SOX5: variants seen among roughly 807,000 people sequenced by gnomAD.
The protein encoded by SOX5 is transcription factor SOX-5.
A neutral mutation model predicts 92.0 loss-of-function variants in SOX5; 9 were observed. The observed-to-expected ratio is 0.10, with a 90% confidence interval of 0.06 to 0.17. SOX5 has a LOEUF of 0.17. Ranked by LOEUF, SOX5 falls within the 10% of genes least tolerant of loss-of-function variation. The probability of loss-of-function intolerance (pLI) is 1.00; values close to 1 mark genes in which losing one functional copy is unlikely to be tolerated. For missense variants in SOX5, 642 were observed against 944.5 expected (o/e 0.68, Z 4.20); for synonymous variants, 344 against 336.3 (o/e 1.02, Z -0.25).
At chr12:23,951,650 A>ATG (rs1945656913), upstream of SOX5, among the ~76,000 whole-genome samples, 6 of 78,144 alleles carry the variant, frequency 7.7e-5, no homozygotes, top group East Asian at 1.7e-3. Flanking sequence ...AAAAATATAT[A>ATG]TATACACACA....
At chr12:23,746,368 A>G (rs2141082499) in intron 4 of SOX5, among the ~76,000 whole-genome samples, 1 of 152,240 alleles carries the variant, frequency 6.6e-6, no homozygotes, top group Non-Finnish European at 1.5e-5. Context: ...TAACTTATAT[A>G]TGTGTGTGTC....
chr12:23,655,191 A>C (rs1405003865), intron 7 of SOX5, among the ~76,000 whole-genome samples: 2 of 152,098 alleles, frequency 1.3e-5, no homozygotes, highest in African/African-American at 4.8e-5. Flanking sequence ...TATCAATAAA[A>C]CTTCTTGGAT....
intron 3 of SOX5, among the ~76,000 whole-genome samples, chr12:23,785,310 C>T (rs1213656427): frequency 1.3e-5 from 2 of 152,128 alleles, no homozygotes; most frequent in African/African-American, 4.8e-5. Flanking sequence ...AAACCTACTA[C>T]CTTAAATACC....
intron 3 of SOX5, among the ~76,000 whole-genome samples, chr12:23,812,865 G>C (rs2095902528): frequency 6.6e-6 from 1 of 152,140 alleles, no homozygotes; most frequent in African/African-American, 2.4e-5. Flanking sequence ...TATGAAGTAT[G>C]TCATATGTAA....
At chr12:24,174,656 T>C (rs1954603373) in intron 4 of SOX5, among the ~76,000 whole-genome samples, 1 of 152,082 alleles carries the variant, frequency 6.6e-6, no homozygotes, top group Admixed American at 6.5e-5. Context: ...ACCCCACCTG[T>C]ACTAAAAATA....
chr12:24,287,463 C>A (rs1946018938), intron 2 of SOX5, among the ~76,000 whole-genome samples: 1 of 152,130 alleles, frequency 6.6e-6, no homozygotes, highest in Admixed American at 6.6e-5. Context: ...CGCTGTCAGC[C>A]AAGCCCTTCC....
intron 1 of SOX5, among the ~76,000 whole-genome samples, chr12:24,487,911 T>G (rs116876715): frequency 0.019 from 2,918 of 152,262 alleles, 48 homozygotes; most frequent in Non-Finnish European, 0.029. Flanking sequence ...ACGCAAGGAT[T>G]CAGTACGTTT....
chr12:23,878,779 A>G (rs976832947), intron 2 of SOX5, among the ~76,000 whole-genome samples: 3 of 152,072 alleles, frequency 2.0e-5, no homozygotes, highest in Non-Finnish European at 4.4e-5. Context: ...GGTAGAAAAT[A>G]CTACATCATA....
chr12:23,708,716 TA>T (rs2091724212), intron 6 of SOX5, among the ~76,000 whole-genome samples: 1 of 152,042 alleles, frequency 6.6e-6, no homozygotes, highest in Non-Finnish European at 1.5e-5. Context: ...AGGAATATCA[TA>T]AAGGCAAAAT....
At chr12:24,157,844 G>T (rs531799170) in intron 4 of SOX5, among the ~76,000 whole-genome samples, 137 of 152,150 alleles carry the variant, frequency 9.0e-4, no homozygotes, top group African/African-American at 2.9e-3. Flanking sequence ...CCGCACATGG[G>T]CTTCTGCCTC....
intron 6 of SOX5, among the ~76,000 whole-genome samples, chr12:23,688,635 A>T (rs1409677294): frequency 6.6e-6 from 1 of 152,096 alleles, no homozygotes; most frequent in Non-Finnish European, 1.5e-5. Flanking sequence ...TTAGCAAATT[A>T]TCAGAGATCC....
chr12:23,783,152 T>C lies in SOX5; in HGVS notation c.482-27428A>G, dbSNP rs1407069378. Among the ~76,000 whole-genome samples the C allele has an allele frequency of 2.0e-5, 3 of 152,188 alleles. No homozygotes were observed. In the South Asian group the frequency reaches 6.2e-4, roughly 31 times the overall value. ...CTGAAATAATATTTTCTTATTTTCT[T>C]ATAATCTGTCTTCATCCACTAGTAT... On this transcript the variant is annotated intron_variant, in intron 3 of 14. Coordinates refer to ENST00000451604, the MANE Select transcript of SOX5 (RefSeq NM_006940.6).
chr12:24,053,184 C>CA (rs1185946780), intron 4 of SOX5, among the ~76,000 whole-genome samples: 2 of 145,430 alleles, frequency 1.4e-5, no homozygotes, highest in South Asian at 2.2e-4. Context: ...GCACGCCCCC[C>CA]CCCTTTTTTT....
chr12:23,973,870 G>A (rs991009381), intron 4 of SOX5, among the ~76,000 whole-genome samples: 11 of 152,220 alleles, frequency 7.2e-5, no homozygotes, highest in East Asian at 3.9e-4. Flanking sequence ...TAGGTTGCGC[G>A]CTCATATGAG....
chr12:24,340,393 C>A (rs1952444198), intron 2 of SOX5, among the ~76,000 whole-genome samples: 1 of 152,192 alleles, frequency 6.6e-6, no homozygotes. Context: ...ACTTGCTATC[C>A]AGGGAACTAA....
chr12:24,052,079 C>G (rs1251465289), intron 4 of SOX5, among the ~76,000 whole-genome samples: 4 of 152,148 alleles, frequency 2.6e-5, no homozygotes, highest in Non-Finnish European at 4.4e-5. Flanking sequence ...CTTGACGTTC[C>G]TTCCGCATCT....
At chr12:23,853,985 A>C (rs977720744) in intron 2 of SOX5, among the ~76,000 whole-genome samples, 4 of 152,092 alleles carry the variant, frequency 2.6e-5, no homozygotes, top group African/African-American at 9.7e-5. Flanking sequence ...GATTAGATAT[A>C]ATTTTTCTGT....
intron 3 of SOX5, among the ~76,000 whole-genome samples, chr12:24,250,606 T>A (rs1939827997): frequency 1.3e-5 from 2 of 152,238 alleles, no homozygotes; most frequent in South Asian, 4.1e-4. Context: ...ATCTTCGAAA[T>A]CAAAAAGCTC....
chr12:23,843,628 A>G (rs2096543555), intron 3 of SOX5, among the ~76,000 whole-genome samples: 2 of 130,146 alleles, frequency 1.5e-5, no homozygotes, highest in Admixed American at 9.6e-5. Flanking sequence ...CAGTGGCCCA[A>G]TCTTGGCTCA....
Sources: gnomAD v4.1 joint callset for allele counts (sites outside exome capture counted in the v4.1 genomes callset) on GRCh38, gnomAD v4.1.1 for gene constraint, MANE v1.5 for transcripts, NCBI Gene and HGNC (gene_info 2026-07-23, HGNC 2026-07-21) for gene names.